FOXO1: variants seen among roughly 807,000 people sequenced by gnomAD.
The protein encoded by FOXO1 is forkhead box protein O1.
A neutral mutation model predicts 44.1 loss-of-function variants in FOXO1; 6 were observed. The observed-to-expected ratio is 0.14, with a 90% confidence interval of 0.07 to 0.27. The LOEUF (loss-of-function observed/expected upper bound fraction) is 0.27, where lower values mean the gene tolerates loss of function less well. Among genes scored for constraint, FOXO1 ranks in the 10% least tolerant of loss-of-function variants. FOXO1 has a pLI of 1.00. For missense variants in FOXO1, 737 were observed against 888.8 expected (o/e 0.83, Z 2.17); for synonymous variants, 380 against 362.7 (o/e 1.05, Z -0.54).
intron 1 of FOXO1, among the ~76,000 whole-genome samples, chr13:40,628,585 T>C (rs750367774): frequency 1.5e-4 from 23 of 152,126 alleles, no homozygotes; most frequent in Non-Finnish European, 3.1e-4. Context: ...AAATGTATAG[T>C]GGAATCGACT....
intron 1 of FOXO1, among the ~76,000 whole-genome samples, chr13:40,663,590 A>T (rs1476963178): frequency 2.0e-5 from 3 of 152,246 alleles, no homozygotes; most frequent in Non-Finnish European, 4.4e-5. Flanking sequence ...TGAGCAAGTA[A>T]GTCAAGTACT....
intron 1 of FOXO1, among the ~76,000 whole-genome samples, chr13:40,600,615 A>C (rs1875780709): frequency 6.6e-6 from 1 of 152,256 alleles, no homozygotes; most frequent in African/African-American, 2.4e-5. Context: ...CAGCATCTTC[A>C]AAGTATTACT....
intron 1 of FOXO1, among the ~76,000 whole-genome samples, chr13:40,646,777 A>G (rs1877525041): frequency 6.6e-6 from 1 of 151,950 alleles, no homozygotes; most frequent in Non-Finnish European, 1.5e-5. Context: ...GTATTTTAGT[A>G]AAGACAGGGT....
intron 1 of FOXO1, among the ~76,000 whole-genome samples, chr13:40,567,155 C>G (rs1019034627): frequency 6.6e-6 from 1 of 152,036 alleles, no homozygotes; most frequent in Non-Finnish European, 1.5e-5. Context: ...CGGGTCTCCA[C>G]ACCACTGCTA....
intron 1 of FOXO1, among the ~76,000 whole-genome samples, chr13:40,663,584 CAAGT>C (rs754376151): frequency 2.0e-5 from 3 of 151,992 alleles, no homozygotes; most frequent in Admixed American, 6.6e-5. Context: ...GATAGATGAG[CAAGT>C]AAGTCAAGTA....
chr13:40,621,346 G>T, intron 1 of FOXO1: 1 of 500,026 alleles, frequency 2.0e-6, no homozygotes, highest in Non-Finnish European at 3.2e-6. Flanking sequence ...GCAAACAATG[G>T]GTAAAAGTGA....
chr13:40,601,124 A>G (rs1191501420), intron 1 of FOXO1, among the ~76,000 whole-genome samples: 2 of 152,162 alleles, frequency 1.3e-5, no homozygotes, highest in African/African-American at 2.4e-5. Flanking sequence ...CTTCCCTTTC[A>G]TCAGACTACA....
chr13:40,574,320 T>C (rs1405716580), intron 1 of FOXO1, among the ~76,000 whole-genome samples: 1 of 152,198 alleles, frequency 6.6e-6, no homozygotes, highest in East Asian at 1.9e-4. Context: ...GGCGTGTATG[T>C]CTGTGTCCAA....
chr13:40,608,173 C>A (rs1876091723), intron 1 of FOXO1, among the ~76,000 whole-genome samples: 2 of 152,196 alleles, frequency 1.3e-5, no homozygotes, highest in South Asian at 2.1e-4. Flanking sequence ...TGTGGTAGGA[C>A]AGAATTATTG....
chr13:40,583,594 A>G (rs1349838800), intron 1 of FOXO1, among the ~76,000 whole-genome samples: 2 of 151,952 alleles, frequency 1.3e-5, no homozygotes, highest in Non-Finnish European at 2.9e-5. Context: ...CTTTCCTTAC[A>G]CCTCATGAAC....
chr13:40,621,544 T>C (rs1333386991), intron 1 of FOXO1, among the ~76,000 whole-genome samples: 2 of 152,214 alleles, frequency 1.3e-5, no homozygotes, highest in African/African-American at 4.8e-5. Context: ...AAACATTAAA[T>C]TATCCAGAAA....
chr13:40,558,962 T>C lies in FOXO1; in HGVS notation c.*87A>G. The C allele has an allele frequency of 2.5e-6, 1 of 398,380 alleles. No individual in the cohort carries two copies. The highest frequency in any genetic ancestry group is 3.6e-5 in the East Asian group (1 of 28,034). The allele number at this position is 398,380 out of a possible 1,614,324, so 24.7% of individuals were successfully genotyped here. ...TTAACCAAGAAAACTAAAAGGGAGT[T>C]GGTGAAAGACATCTTTGGACTGCTT... On this transcript the variant is annotated 3_prime_UTR_variant, in exon 3 of 3. Transcript: ENST00000379561.
At chr13:40,631,928 G>A (rs1876975460) in intron 1 of FOXO1, among the ~76,000 whole-genome samples, 1 of 152,114 alleles carries the variant, frequency 6.6e-6, no homozygotes, top group Non-Finnish European at 1.5e-5. Flanking sequence ...TGTATTTTAT[G>A]TATATTTTAC....
chr13:40,641,917 C>T (rs928322467), intron 1 of FOXO1, among the ~76,000 whole-genome samples: 7 of 152,116 alleles, frequency 4.6e-5, no homozygotes, highest in African/African-American at 1.7e-4. Context: ...ACCTAGGAGG[C>T]AGAGGTTGCA....
rs188097601 is a variant in FOXO1 at position 40,615,254 on chromosome 13, G to A, written c.630+50329C>T. On this transcript the variant is annotated intron_variant, in intron 1 of 2. Coordinates refer to ENST00000379561, the MANE Select transcript of FOXO1 (RefSeq NM_002015.4). ...AGTGCTATGAGAAATAAAGCAGAGG[G>A]GGCCAGACGCAGTGGCTCACGCCTG... is the stretch of plus-strand genomic sequence containing the variant. Among the ~76,000 whole-genome samples, 350 of 152,268 alleles carry A rather than the reference G, an allele frequency of 2.3e-3. 1 individual carries two copies. The highest frequency in any genetic ancestry group is 4.0e-3 in the Non-Finnish European group (270 of 68,020).
intron 1 of FOXO1, among the ~76,000 whole-genome samples, chr13:40,641,088 T>C (rs896431199): frequency 2.0e-5 from 3 of 152,022 alleles, no homozygotes; most frequent in African/African-American, 7.2e-5. Context: ...CCGGCCAGTG[T>C]TTGTTATTTC....
chr13:40,638,238 A>G (rs1877225311), intron 1 of FOXO1, among the ~76,000 whole-genome samples: 1 of 152,212 alleles, frequency 6.6e-6, no homozygotes, highest in Admixed American at 6.5e-5. Context: ...TTAAGGACCT[A>G]GTAATTTAAA....
chr13:40,632,794 A>T (rs919367775), intron 1 of FOXO1, among the ~76,000 whole-genome samples: 4 of 151,994 alleles, frequency 2.6e-5, no homozygotes, highest in Admixed American at 6.6e-5. Context: ...AATAAAAAAA[A>T]ATTAGCTGGG....
intron 1 of FOXO1, among the ~76,000 whole-genome samples, chr13:40,617,046 C>T (rs1218402899): frequency 1.3e-5 from 2 of 152,314 alleles, no homozygotes; most frequent in East Asian, 3.9e-4. Context: ...AATAACTGAA[C>T]AGATATGTTT....
Sources: allele counts gnomAD v4.1 joint callset (sites outside exome capture counted in the v4.1 genomes callset), GRCh38; gene constraint gnomAD v4.1.1; transcripts MANE v1.5; gene names NCBI Gene and HGNC (gene_info 2026-07-23, HGNC 2026-07-21).